The following SETBP1 variants were observed in gnomAD, a reference collection of about 807,000 sequenced individuals.
SETBP1 encodes the protein SET-binding protein.
Under a neutral mutation model 101.0 loss-of-function variants are expected in SETBP1, and 9 were observed. The ratio of observed to expected loss-of-function variants is 0.09; its 90% confidence interval spans 0.05 to 0.16. The LOEUF is 0.16. Ranked by LOEUF, SETBP1 falls within the 10% of genes least tolerant of loss-of-function variation. The pLI, the probability that SETBP1 is intolerant of heterozygous loss-of-function variation, is 1.00. For synonymous variants in SETBP1, 818 were observed against 788.5 expected, an observed-to-expected ratio of 1.04 and a Z score of -0.63; for missense variants, 1,858 against 2,033.8, an observed-to-expected ratio of 0.91 and a Z score of 1.66.
At position 44,821,237 on chromosome 18, in the gene SETBP1, G is replaced by A. The variant is rs186094007; in HGVS notation, c.487-47993G>A. Reference sequence around the variant, plus strand: ...CTGCCCACCTTCCAGCAAAGGCATTGCTTAACAGGCCCTACTGGCTCCCTG... The same window carrying A: ...CTGCCCACCTTCCAGCAAAGGCATTACTTAACAGGCCCTACTGGCTCCCTG... On this transcript the variant is annotated intron_variant, in intron 2 of 5. Coordinates refer to ENST00000649279, the MANE Select transcript of SETBP1 (RefSeq NM_015559.3). Among the ~76,000 whole-genome samples, 21 of 152,298 alleles carry A rather than the reference G, an allele frequency of 1.4e-4. No individual in the cohort carries two copies. The East Asian group carries it at 3.9e-3, about 28-fold the overall frequency.
chr18:44,721,610 G>A (rs1338738607), intron 2 of SETBP1, among the ~76,000 whole-genome samples: 5 of 131,852 alleles, frequency 3.8e-5, no homozygotes, highest in African/African-American at 1.4e-4. Flanking sequence ...TAGGGAAATG[G>A]TGTAGGTGGG....
At chr18:45,037,858 C>T (rs1302055841) in intron 4 of SETBP1, among the ~76,000 whole-genome samples, 2 of 152,156 alleles carry the variant, frequency 1.3e-5, no homozygotes, top group African/African-American at 4.8e-5. Context: ...CTCCGGCATG[C>T]TGGCCTCATC....
At chr18:44,839,505 A>G (rs974702220) in intron 2 of SETBP1, among the ~76,000 whole-genome samples, 2 of 152,198 alleles carry the variant, frequency 1.3e-5, no homozygotes, top group Non-Finnish European at 2.9e-5. Flanking sequence ...GATGTGATGG[A>G]GAACCATGGG....
chr18:45,029,355 T>C (rs2073240448), intron 4 of SETBP1, among the ~76,000 whole-genome samples: 1 of 152,046 alleles, frequency 6.6e-6, no homozygotes. Context: ...GGCTCTGTTC[T>C]GTTCCATTGA....
At chr18:44,936,219 C>G (rs1316028363) in intron 3 of SETBP1, among the ~76,000 whole-genome samples, 1 of 152,176 alleles carries the variant, frequency 6.6e-6, no homozygotes, top group African/African-American at 2.4e-5. Context: ...GATGCCTGAG[C>G]AGGGAGGGCA....
At chr18:44,976,042 G>A (rs941901670) in intron 4 of SETBP1, among the ~76,000 whole-genome samples, 1 of 149,794 alleles carries the variant, frequency 6.7e-6, no homozygotes, top group Non-Finnish European at 1.5e-5. Context: ...TGTATATTCA[G>A]TGTTTAGTAA....
intron 2 of SETBP1, among the ~76,000 whole-genome samples, chr18:44,865,350 G>T (rs1374400326): frequency 1.3e-5 from 2 of 152,128 alleles, no homozygotes; most frequent in Non-Finnish European, 2.9e-5. Flanking sequence ...CAGGCACAGT[G>T]CACGCCCTTT....
At chr18:44,719,102 G>A (rs2069528593) in intron 2 of SETBP1, among the ~76,000 whole-genome samples, 1 of 152,158 alleles carries the variant, frequency 6.6e-6, no homozygotes, top group Non-Finnish European at 1.5e-5. Flanking sequence ...AGCATAGGAA[G>A]AGGAAGGTAG....
intron 3 of SETBP1, among the ~76,000 whole-genome samples, chr18:44,919,813 A>G (rs1203220532): frequency 6.6e-6 from 1 of 152,080 alleles, no homozygotes; most frequent in African/African-American, 2.4e-5. Flanking sequence ...ATGCATATAC[A>G]TACATGAATT....
intron 1 of SETBP1, among the ~76,000 whole-genome samples, chr18:44,681,287 T>A (rs1179422831): frequency 6.6e-6 from 1 of 152,200 alleles, no homozygotes; most frequent in Non-Finnish European, 1.5e-5. Context: ...GGTATCGATT[T>A]ATTGTTTTTG....
intron 4 of SETBP1, among the ~76,000 whole-genome samples, chr18:44,974,220 A>G (rs1248485340): frequency 6.6e-6 from 1 of 152,188 alleles, no homozygotes; most frequent in South Asian, 2.1e-4. Flanking sequence ...GGCCCTGGTC[A>G]TGGGCCACAT....
At chr18:44,848,072 GGTGTGTGTGT>G (rs4024595) in intron 2 of SETBP1, among the ~76,000 whole-genome samples, 92 of 148,630 alleles carry the variant, frequency 6.2e-4, no homozygotes, top group Non-Finnish European at 1.1e-3. Context: ...ACTCTCTGAA[GGTGTGTGTGT>G]GTGTGTGTGT....
At chr18:44,818,316 A>G (rs1409207812) in intron 2 of SETBP1, among the ~76,000 whole-genome samples, 1 of 152,208 alleles carries the variant, frequency 6.6e-6, no homozygotes, top group Non-Finnish European at 1.5e-5. Context: ...TTAAAGAAAG[A>G]AGGACTTCAG....
intron 2 of SETBP1, among the ~76,000 whole-genome samples, chr18:44,727,700 G>T (rs2069745392): frequency 6.6e-6 from 1 of 152,204 alleles, no homozygotes; most frequent in African/African-American, 2.4e-5. Context: ...AGGTGAAAGA[G>T]AATTATCCTG....
chr18:44,934,001 G>A (rs562830147), intron 3 of SETBP1, among the ~76,000 whole-genome samples: 52 of 152,270 alleles, frequency 3.4e-4, no homozygotes, highest in Admixed American at 1.1e-3. Flanking sequence ...GAAATCACCC[G>A]TCTTCTGCGT....
At chr18:44,763,418 T>C (rs963336033) in intron 2 of SETBP1, among the ~76,000 whole-genome samples, 1 of 152,170 alleles carries the variant, frequency 6.6e-6, no homozygotes, top group Non-Finnish European at 1.5e-5. Context: ...TCACTCCCTC[T>C]AGGCTTCCTG....
intron 2 of SETBP1, among the ~76,000 whole-genome samples, chr18:44,728,429 C>T (rs2069762226): frequency 6.6e-6 from 1 of 152,078 alleles, no homozygotes; most frequent in African/African-American, 2.4e-5. Flanking sequence ...TGCAGGTAAT[C>T]AAATTTAAGT....
At chr18:44,705,890 G>A (rs1599012526) in intron 2 of SETBP1, among the ~76,000 whole-genome samples, 1 of 152,298 alleles carries the variant, frequency 6.6e-6, no homozygotes, top group South Asian at 2.1e-4. Context: ...GGAGCCCATG[G>A]AAGTACTACC....
chr18:44,729,327 G>A (rs1430951013), intron 2 of SETBP1, among the ~76,000 whole-genome samples: 3 of 152,234 alleles, frequency 2.0e-5, no homozygotes, highest in Non-Finnish European at 4.4e-5. Context: ...TGGAGCAAGA[G>A]ATGCCAGCTA....
Sources: allele counts gnomAD v4.1 joint callset (sites outside exome capture counted in the v4.1 genomes callset), GRCh38; gene constraint gnomAD v4.1.1; transcripts MANE v1.5; gene names NCBI Gene and HGNC (gene_info 2026-07-23, HGNC 2026-07-21).